GRAMD2A: variants seen among roughly 807,000 people sequenced by gnomAD.
GRAMD2A encodes GRAM domain-containing protein 2A.
A neutral mutation model predicts 51.1 loss-of-function variants in GRAMD2A; 37 were observed. The ratio of observed to expected loss-of-function variants is 0.72; its 90% confidence interval spans 0.56 to 0.95. The LOEUF is 0.95. GRAMD2A is among the 40% of genes least tolerant of loss of function. The pLI is 0.00. For synonymous variants in GRAMD2A, 136 were observed against 157.1 expected, an observed-to-expected ratio of 0.87 and a Z score of 1.01; for missense variants, 414 against 426.9, an observed-to-expected ratio of 0.97 and a Z score of 0.27.
chr15:72,180,470 AG>A (rs1043580338), intron 1 of GRAMD2A, among the ~76,000 whole-genome samples: 1 of 152,190 alleles, frequency 6.6e-6, no homozygotes, highest in Non-Finnish European at 1.5e-5. Context: ...CTGCTAAGTG[AG>A]GGGGCCTGCA....
intron 5 of GRAMD2A, 88 bp downstream of exon 5, chr15:72,167,648 G>A: frequency 2.0e-6 from 2 of 1,010,794 alleles, no homozygotes; most frequent in Non-Finnish European, 3.1e-6. Context: ...AGCACGCAGA[G>A]AGATAGGCAT....
chr15:72,184,723 G>A, intron 1 of GRAMD2A, among the ~76,000 whole-genome samples: 1 of 152,162 alleles, frequency 6.6e-6, no homozygotes, highest in East Asian at 1.9e-4. Flanking sequence ...GTCTAACTGC[G>A]GGAACGCTCC....
intron 1 of GRAMD2A, among the ~76,000 whole-genome samples, chr15:72,184,057 C>T (rs888496516): frequency 6.6e-6 from 1 of 152,218 alleles, no homozygotes; most frequent in African/African-American, 2.4e-5. Flanking sequence ...GAAAAGACCA[C>T]GGAGATACTG....
intron 7 of GRAMD2A, among the ~76,000 whole-genome samples, chr15:72,165,742 C>T (rs1452928348): frequency 6.6e-6 from 1 of 152,144 alleles, no homozygotes; most frequent in Non-Finnish European, 1.5e-5. Context: ...TAGAGACGGT[C>T]CCTGACCTAC....
chr15:72,170,090 C>CA lies in GRAMD2A; in HGVS notation c.42-152dup. ...CACTGAAAATGTCACAGTTCAGAGG[C>CA]AGCAGCGCAGGCAGAGGTTCTGGGA... is the stretch of plus-strand genomic sequence containing the variant. On this transcript the variant is annotated intron_variant, in intron 1 of 11. Coordinates refer to ENST00000309731, the MANE Select transcript of GRAMD2A (RefSeq NM_001012642.3). This position sits in a 1 kb window ranked among gnomAD's most constrained non-coding sequence, Gnocchi z 4.5. 1 of 726,770 alleles carries CA rather than the reference C, an allele frequency of 1.4e-6. No individual in the cohort carries two copies. The highest frequency in any genetic ancestry group is 2.5e-6 in the Non-Finnish European group (1 of 396,934). 45.0% of individuals were successfully genotyped at this position (726,770 alleles called of 1,614,324 possible). A position where few individuals can be genotyped will look rare whatever the true frequency, so the allele number is the denominator to read the frequency against.
At chr15:72,177,108 C>G (rs148514326) in intron 1 of GRAMD2A, among the ~76,000 whole-genome samples, 6 of 151,632 alleles carry the variant, frequency 4.0e-5, no homozygotes, top group African/African-American at 1.5e-4. Context: ...GCAATTCTCC[C>G]ACCTCGGCTT....
intron 1 of GRAMD2A, among the ~76,000 whole-genome samples, chr15:72,182,248 C>T (rs746746978): frequency 1.3e-5 from 2 of 151,416 alleles, no homozygotes. Context: ...GTCTATAATC[C>T]CAGCTACTCA....
At chr15:72,167,929 C>T (rs2081566502) in intron 4 of GRAMD2A, 90 bp from the exon 5 acceptor site, 11 of 864,972 alleles carry the variant, frequency 1.3e-5, no homozygotes, top group Non-Finnish European at 2.1e-5. Flanking sequence ...AGTCCACAGT[C>T]CAGCCTCAGG....
At chr15:72,184,058 G>A (rs1460311654) in intron 1 of GRAMD2A, among the ~76,000 whole-genome samples, 4 of 152,326 alleles carry the variant, frequency 2.6e-5, no homozygotes, top group African/African-American at 7.2e-5. Context: ...AAAAGACCAC[G>A]GAGATACTGG....
intron 5 of GRAMD2A, among the ~76,000 whole-genome samples, chr15:72,167,429 A>G (rs1360093614): frequency 6.6e-6 from 1 of 152,234 alleles, no homozygotes; most frequent in Non-Finnish European, 1.5e-5. Context: ...GGCTCCGCCT[A>G]AATGTGATAT....
chr15:72,192,030 T>A (rs1184963876), intron 1 of GRAMD2A, among the ~76,000 whole-genome samples: 1 of 152,238 alleles, frequency 6.6e-6, no homozygotes, highest in Non-Finnish European at 1.5e-5. Flanking sequence ...ATTTTTTAGA[T>A]GTAATAATGA....
intron 1 of GRAMD2A, among the ~76,000 whole-genome samples, chr15:72,192,261 G>A (rs2081773201): frequency 6.6e-6 from 1 of 152,080 alleles, no homozygotes; most frequent in Non-Finnish European, 1.5e-5. Context: ...GTATATGTTT[G>A]AAATTTTCCA....
intron 1 of GRAMD2A, among the ~76,000 whole-genome samples, chr15:72,189,983 A>G (rs2081756907): frequency 6.6e-6 from 1 of 152,252 alleles, no homozygotes; most frequent in African/African-American, 2.4e-5. Flanking sequence ...GGGGAAAAAA[A>G]GGTGCATTGT....
intron 8 of GRAMD2A, among the ~76,000 whole-genome samples, chr15:72,165,076 T>A (rs1447129662): frequency 6.6e-6 from 1 of 152,202 alleles, no homozygotes; most frequent in African/African-American, 2.4e-5. Context: ...CAGGTGGAAG[T>A]TGCAGTGAGA....
chr15:72,193,516 C>T lies in GRAMD2A; in HGVS notation c.41+4215G>A, dbSNP rs536506028. On this transcript the variant is annotated intron_variant, in intron 1 of 11. Transcript: ENST00000309731. ...TACAGGCGTGAGCCACCACACCCGG[C>T]TTGTGCATTTCTTTTTTTTTTTTCG... Among the ~76,000 whole-genome samples the T allele has an allele frequency of 2.0e-5, 3 of 150,900 alleles. No homozygotes were observed. The East Asian group carries it at 5.9e-4, about 30-fold the overall frequency.
chr15:72,191,005 T>C (rs2081764261), intron 1 of GRAMD2A, among the ~76,000 whole-genome samples: 1 of 152,096 alleles, frequency 6.6e-6, no homozygotes. Context: ...TGAGCATCAA[T>C]AAGAATGGAT....
intron 4 of GRAMD2A, 62 bp downstream of exon 4, chr15:72,168,429 G>A (rs2081571797): frequency 1.7e-6 from 2 of 1,207,692 alleles, no homozygotes; most frequent in Non-Finnish European, 2.5e-6. Context: ...AGGCTCCAGA[G>A]CAGAGGCCCC....
intron 1 of GRAMD2A, among the ~76,000 whole-genome samples, chr15:72,184,145 T>C (rs1317832966): frequency 1.3e-5 from 2 of 152,242 alleles, no homozygotes; most frequent in African/African-American, 4.8e-5. Flanking sequence ...GGAGAGGGAC[T>C]GCCCTCGCCC....
intron 8 of GRAMD2A, among the ~76,000 whole-genome samples, chr15:72,164,546 C>T (rs1341605272): frequency 1.3e-5 from 2 of 152,018 alleles, no homozygotes; most frequent in Admixed American, 6.6e-5. Flanking sequence ...GCTGGGACTA[C>T]AGGTACGTGC....
Sources: allele counts gnomAD v4.1 joint callset (sites outside exome capture counted in the v4.1 genomes callset), GRCh38; gene constraint gnomAD v4.1.1; non-coding constraint Gnocchi (gnomAD v3.1); transcripts MANE v1.5; gene names NCBI Gene and HGNC (gene_info 2026-07-23, HGNC 2026-07-21).